MNDA: variants seen among roughly 807,000 people sequenced by gnomAD.
The protein encoded by MNDA is myeloid cell nuclear differentiation antigen.
A neutral mutation model predicts 37.8 loss-of-function variants in MNDA; 43 were observed. That is an observed-to-expected ratio of 1.14 (90% CI 0.89 to 1.47). MNDA has a LOEUF of 1.47. Among genes scored for constraint, MNDA ranks in the 40% most tolerant of loss-of-function variants. The probability of loss-of-function intolerance (pLI) is 0.00; values close to 1 mark genes in which losing one functional copy is unlikely to be tolerated. For missense variants in MNDA, 536 were observed against 476.0 expected, an observed-to-expected ratio of 1.13 and a Z score of -1.17; for synonymous variants, 181 against 169.0, an observed-to-expected ratio of 1.07 and a Z score of -0.55.
intron 3 of MNDA, 100 bp downstream of exon 3, chr1:158,843,515 A>T: frequency 8.1e-7 from 1 of 1,238,164 alleles, no homozygotes; most frequent in African/African-American, 1.6e-5. Context: ...TAGATTTACC[A>T]AATTAGTAAT....
At position 158,844,122 on chromosome 1, in the gene MNDA, G is replaced by A. The variant is rs201658999; in HGVS notation, c.570G>A (p.Pro190=). 133 of 1,560,794 alleles carry A rather than the reference G, an allele frequency of 8.5e-5. No individual in the cohort carries two copies. The highest frequency in any genetic ancestry group is 1.5e-4 in the African/African-American group (11 of 72,498). ...SSTPSNTSFT[P]NQETQAQRQV... ...CTCCATCCAACACTTCGTTTACTCC[G>A]GTACACTCTTCCTGGTCCTCTTCTC... The change falls in exon 4 of 7, where the codon CCG becomes CCA. Residue 190 remains proline (P), a splice_region_variant and synonymous_variant. Coordinates refer to ENST00000368141, the MANE Select transcript of MNDA (RefSeq NM_002432.3).
At chr1:158,840,616 C>A (rs749409010) in intron 1 of MNDA, among the ~76,000 whole-genome samples, 2 of 152,180 alleles carry the variant, frequency 1.3e-5, no homozygotes, top group African/African-American at 2.4e-5. Context: ...CCAAACCGCA[C>A]AAATCTTTTC....
At chr1:158,845,511 A>C in intron 4 of MNDA, 76 bp from the exon 5 acceptor site, 2 of 1,453,838 alleles carry the variant, frequency 1.4e-6, no homozygotes, top group African/African-American at 2.8e-5. Context: ...AAGTGCTAGG[A>C]TTACAGGCGT....
At chr1:158,837,397 A>G (rs1658939878) in intron 1 of MNDA, among the ~76,000 whole-genome samples, 1 of 151,730 alleles carries the variant, frequency 6.6e-6, no homozygotes, top group Non-Finnish European at 1.5e-5. Context: ...TGTTTTGTGC[A>G]TGTATGTTTC....
In MNDA at chr1:158,843,291, T is replaced by C. The variant is rs148953771; in HGVS notation, c.278T>C (p.Ile93Thr). Residue 93 changes from isoleucine (I) to threonine (T), a missense_variant, in exon 3 of 7, where the codon ATT becomes ACT. Coordinates refer to ENST00000368141, the MANE Select transcript of MNDA (RefSeq NM_002432.3). The stretch of plus-strand genomic sequence containing the variant: ...TTTCTTTTGTCAGTTGCTAAGAAAA[T>C]TAAAACACAAGAAAAAGCTCCAGTG... ...RKEKSKVAKK[I>T]KTQEKAPVKK... is the part of the protein sequence containing the mutation. 1,016 of 1,608,958 alleles carry C rather than the reference T, an allele frequency of 6.3e-4. No individual in the cohort carries two copies. Among genetic ancestry groups the C allele is most frequent in the Middle Eastern group, 3.6e-3 (22 of 6,034 alleles).
rs1658913221 is a variant in MNDA, at chr1:158,836,209, T to A, written c.-21+4652T>A. 2.0e-5 allele frequency among the ~76,000 whole-genome samples: 3 copies of A among 152,068 alleles called. No individual in the cohort carries two copies. The South Asian group carries it at 6.2e-4, about 31-fold the overall frequency. ...AAATTTTATTTTTCTAGTGCCTCTG[T>A]CTGGCTTTGCATTGGAGTAATGCTG... is the stretch of plus-strand genomic sequence containing the variant. On this transcript the variant is annotated intron_variant, in intron 1 of 6. Transcript: ENST00000368141.
chr1:158,835,476 G>T (rs1054830634), intron 1 of MNDA, among the ~76,000 whole-genome samples: 5 of 151,944 alleles, frequency 3.3e-5, no homozygotes, highest in African/African-American at 9.7e-5. Context: ...TGCTGGATTT[G>T]TTTATCAATT....
intron 3 of MNDA, among the ~76,000 whole-genome samples, chr1:158,843,681 C>A (rs771790404): frequency 1.1e-4 from 16 of 152,144 alleles, no homozygotes; most frequent in Non-Finnish European, 2.4e-4. Flanking sequence ...TCTAGATTTT[C>A]TCATTCCAAG....
rs778571787 is a variant in MNDA, at chr1:158,845,710, A to G, written c.694A>G (p.Lys232Glu). 1 of 1,614,162 alleles carries G rather than the reference A, an allele frequency of 6.2e-7. No individual in the cohort carries two copies. The highest frequency in any genetic ancestry group is 1.1e-5 in the South Asian group (1 of 91,084). ...PFKYESPENG[K>E]STMFHATVAS... ...TAAATACGAGTCCCCAGAAAATGGG[A>G]AAAGCACAATGTTTCATGCTACAGT... The change falls in exon 5 of 7, where the codon AAA becomes GAA. Residue 232 changes from lysine to glutamate, a missense_variant. By Grantham distance (56) the Lys-to-Glu change is moderately conservative. Transcript: ENST00000368141.
intron 1 of MNDA, among the ~76,000 whole-genome samples, chr1:158,835,914 G>C (rs1419951517): frequency 6.6e-6 from 1 of 151,190 alleles, no homozygotes; most frequent in African/African-American, 2.4e-5. Flanking sequence ...TTTCATTCTG[G>C]TAATGTGGTG....
chr1:158,836,945 T>C (rs1293538123), intron 1 of MNDA, among the ~76,000 whole-genome samples: 2 of 151,866 alleles, frequency 1.3e-5, no homozygotes, highest in African/African-American at 2.4e-5. Context: ...TAAATTTGAC[T>C]TGTGATTCTT....
chr1:158,833,376 T>C (rs959465689), intron 1 of MNDA, among the ~76,000 whole-genome samples: 5 of 152,210 alleles, frequency 3.3e-5, no homozygotes, highest in Admixed American at 2.6e-4. Flanking sequence ...GCTTCAAGTG[T>C]ACAGTTCAGT....
intron 6 of MNDA, among the ~76,000 whole-genome samples, chr1:158,848,464 C>CACTT (rs1659184683): frequency 1.3e-5 from 2 of 151,714 alleles, no homozygotes; most frequent in Non-Finnish European, 2.9e-5. Flanking sequence ...TGTGACATAG[C>CACTT]GTAATGAGTT....
At position 158,847,426 on chromosome 1, in the gene MNDA, A is replaced by G. The variant is rs1417319656; in HGVS notation, c.988-302A>G. Among the ~76,000 whole-genome samples, 6 of 152,196 alleles carry G rather than the reference A, an allele frequency of 3.9e-5. No individual in the cohort carries two copies. In the East Asian group the frequency reaches 1.2e-3, roughly 29 times the overall value. On this transcript the variant is annotated intron_variant, in intron 5 of 6. Coordinates refer to ENST00000368141, the MANE Select transcript of MNDA (RefSeq NM_002432.3). ...CCATGAGCCAAGAAGTTCTATAGGA[A>G]TTTTTGATTCCTCTATATCTAGGTG...
chr1:158,845,210 G>T (rs973280681), intron 4 of MNDA, among the ~76,000 whole-genome samples: 1 of 125,366 alleles, frequency 8.0e-6, no homozygotes, highest in Non-Finnish European at 1.7e-5. Flanking sequence ...CCTGCTCAAA[G>T]TTTTTGTTGT....
chr1:158,831,868 T>G (rs373963446), intron 1 of MNDA, among the ~76,000 whole-genome samples: 2 of 152,138 alleles, frequency 1.3e-5, no homozygotes, highest in African/African-American at 4.8e-5. Flanking sequence ...ACTTGGTGAC[T>G]GGGTTTGGGC....
intron 1 of MNDA, among the ~76,000 whole-genome samples, chr1:158,841,842 C>A (rs1571656664): frequency 6.6e-6 from 1 of 152,320 alleles, no homozygotes; most frequent in Non-Finnish European, 1.5e-5. Context: ...TTTGACACCA[C>A]AAAACCCATA....
At chr1:158,843,600 T>A (rs181488157) in intron 3 of MNDA, among the ~76,000 whole-genome samples, 185 bp downstream of exon 3, 2 of 152,358 alleles carry the variant, frequency 1.3e-5, no homozygotes, top group Non-Finnish European at 2.9e-5. Context: ...GACATAAATA[T>A]ATTATCATCT....
At chr1:158,846,200 T>C (rs1249396734) in intron 5 of MNDA, among the ~76,000 whole-genome samples, 197 bp downstream of exon 5, 1 of 152,146 alleles carries the variant, frequency 6.6e-6, no homozygotes, top group East Asian at 1.9e-4. Context: ...GTAGGGACTT[T>C]GAAAAAAAGT....
Sources: gnomAD v4.1 joint callset for allele counts (sites outside exome capture counted in the v4.1 genomes callset) on GRCh38, gnomAD v4.1.1 for gene constraint, MANE v1.5 for transcripts, NCBI Gene and HGNC (gene_info 2026-07-23, HGNC 2026-07-21) for gene names.